GALNT13: variants seen among roughly 807,000 people sequenced by gnomAD.
GALNT13 encodes the protein polypeptide N-acetylgalactosaminyltransferase 13.
A neutral mutation model predicts 64.2 loss-of-function variants in GALNT13; 28 were observed. That is an observed-to-expected ratio of 0.44 (90% CI 0.32 to 0.60). The LOEUF is 0.60. Among genes scored for constraint, GALNT13 ranks in the 20% least tolerant of loss-of-function variants. GALNT13 has a pLI of 0.05. For missense variants in GALNT13, 577 were observed against 669.8 expected (o/e 0.86, Z 1.53); for synonymous variants, 214 against 224.6 (o/e 0.95, Z 0.42).
chr2:154,259,039 T>C lies in GALNT13; in HGVS notation c.876T>C (p.Gly292=). ...TLPVRTPTMA[G]GLFSIDRNYF... ...CAACTAGGACCCCTACTATGGCTGG[T>C]GGCCTATTTTCTATTGACAGAAACT... The change falls in exon 8 of 13, where the codon GGT becomes GGC. Residue 292 remains glycine, a synonymous_variant. Coordinates refer to ENST00000392825, the MANE Select transcript of GALNT13 (RefSeq NM_052917.4). 1 of 1,593,782 alleles carries C rather than the reference T, an allele frequency of 6.3e-7. No homozygotes were observed. The highest frequency in any genetic ancestry group is 1.1e-5 in the South Asian group (1 of 89,836).
chr2:154,056,747 A>T (rs1343552288), intron 3 of GALNT13, among the ~76,000 whole-genome samples: 2 of 152,146 alleles, frequency 1.3e-5, no homozygotes, highest in Non-Finnish European at 2.9e-5. Flanking sequence ...GTTTATATGT[A>T]TCATGGTGTT....
chr2:153,635,404 A>ATATATATACACATATATATG, the GALNT13 span, among the ~76,000 whole-genome samples: 40 of 128,372 alleles, frequency 3.1e-4, 1 homozygote, highest in South Asian at 6.8e-4. Flanking sequence ...ATATGTATAT[A>ATATATATACACATATATATG]TATATATATA....
At chr2:154,279,789 C>G (rs1691858538) in intron 8 of GALNT13, among the ~76,000 whole-genome samples, 2 of 152,130 alleles carry the variant, frequency 1.3e-5, no homozygotes, top group Admixed American at 1.3e-4. Flanking sequence ...TTGACTATTA[C>G]CAATTAATTT....
intron 8 of GALNT13, among the ~76,000 whole-genome samples, chr2:154,296,893 A>C (rs1032197810): frequency 6.6e-6 from 1 of 152,310 alleles, no homozygotes; most frequent in East Asian, 1.9e-4. Flanking sequence ...CAATTGGAGA[A>C]GACCTCTCTG....
the GALNT13 span, among the ~76,000 whole-genome samples, chr2:153,221,229 C>T: frequency 1.3e-5 from 2 of 152,010 alleles, no homozygotes; most frequent in African/African-American, 4.8e-5. Flanking sequence ...TGCTGTGAGC[C>T]GAGATTGCGC....
the GALNT13 span, among the ~76,000 whole-genome samples, chr2:153,396,580 C>T: frequency 6.6e-6 from 1 of 151,918 alleles, no homozygotes; most frequent in Non-Finnish European, 1.5e-5. Flanking sequence ...TACATAAGCA[C>T]ACATAATAGT....
chr2:154,361,015 G>A (rs796296109), intron 9 of GALNT13, among the ~76,000 whole-genome samples: 3 of 151,994 alleles, frequency 2.0e-5, no homozygotes, highest in South Asian at 2.1e-4. Context: ...TTGGAAAGAT[G>A]GGTTATGTAA....
the GALNT13 span, among the ~76,000 whole-genome samples, chr2:153,607,998 C>A: frequency 2.0e-5 from 3 of 152,050 alleles, no homozygotes; most frequent in Non-Finnish European, 4.4e-5. Flanking sequence ...CCTTCAGTAG[C>A]CTACCACCAA....
intron 9 of GALNT13, among the ~76,000 whole-genome samples, chr2:154,363,444 A>G (rs1210496890): frequency 4.6e-5 from 7 of 152,178 alleles, no homozygotes; most frequent in African/African-American, 1.7e-4. Context: ...TCTGCCTGTC[A>G]TAGTTATCTC....
intron 2 of GALNT13, 45 bp downstream of exon 2, chr2:153,901,052 AT>A (rs1688201589): frequency 1.3e-5 from 2 of 152,170 alleles, no homozygotes; most frequent in Non-Finnish European, 2.9e-5. Context: ...GTCATGTTCG[AT>A]TAATTTGGCA....
the GALNT13 span, among the ~76,000 whole-genome samples, chr2:153,418,779 C>T: frequency 6.6e-6 from 1 of 151,852 alleles, no homozygotes; most frequent in Non-Finnish European, 1.5e-5. Context: ...GATGGCTTGA[C>T]CCCGGGAGGC....
chr2:153,382,452 G>T, the GALNT13 span, among the ~76,000 whole-genome samples: 1 of 151,978 alleles, frequency 6.6e-6, no homozygotes, highest in Non-Finnish European at 1.5e-5. Flanking sequence ...GTATTAATTT[G>T]CTTAGGATTA....
the GALNT13 span, among the ~76,000 whole-genome samples, chr2:153,087,267 T>C: frequency 6.6e-6 from 1 of 152,348 alleles, no homozygotes; most frequent in South Asian, 2.1e-4. Context: ...ATTCTGATTA[T>C]GTGATCTATC....
intron 3 of GALNT13, among the ~76,000 whole-genome samples, chr2:153,967,490 T>G (rs2105114768): frequency 6.6e-6 from 1 of 152,264 alleles, no homozygotes; most frequent in South Asian, 2.1e-4. Flanking sequence ...GCTCTTCACT[T>G]AATTAAATAC....
At chr2:153,093,236 C>CTTTTTTTTTTTTTTTTTTTTT in the GALNT13 span, among the ~76,000 whole-genome samples, 1 of 129,008 alleles carries the variant, frequency 7.8e-6, no homozygotes, top group Non-Finnish European at 1.6e-5. Context: ...TTTTTCTTTT[C>CTTTTTTTTTTTTTTTTTTTTT]TTTTCTTTTT....
intron 3 of GALNT13, among the ~76,000 whole-genome samples, chr2:154,087,656 G>T (rs558790829): frequency 6.6e-6 from 1 of 152,074 alleles, no homozygotes; most frequent in South Asian, 2.1e-4. Context: ...AAATAATTGA[G>T]AAAAATAGTA....
the GALNT13 span, among the ~76,000 whole-genome samples, chr2:153,743,593 G>C: frequency 6.6e-6 from 1 of 151,864 alleles, no homozygotes; most frequent in Non-Finnish European, 1.5e-5. Context: ...AAGATGTTTT[G>C]ATACAGGCAT....
At chr2:153,323,025 T>G in the GALNT13 span, among the ~76,000 whole-genome samples, 353 of 152,260 alleles carry the variant, frequency 2.3e-3, no homozygotes, top group African/African-American at 8.2e-3. Flanking sequence ...GTAATGGGAT[T>G]GCTGGGTCAA....
chr2:153,686,170 T>C, the GALNT13 span, among the ~76,000 whole-genome samples: 6 of 151,894 alleles, frequency 4.0e-5, no homozygotes, highest in East Asian at 9.7e-4. Flanking sequence ...ATTTTTTTTC[T>C]AGTTCTGTGA....
Sources: gnomAD v4.1 joint callset for allele counts (sites outside exome capture counted in the v4.1 genomes callset) on GRCh38, gnomAD v4.1.1 for gene constraint, MANE v1.5 for transcripts, NCBI Gene and HGNC (gene_info 2026-07-23, HGNC 2026-07-21) for gene names.